KAZN: variants seen among roughly 807,000 people sequenced by gnomAD.
The protein encoded by KAZN is kazrin.
In KAZN, 40 loss-of-function variants were observed where a neutral mutation model predicts 87.4. The observed-to-expected ratio is 0.46, with a 90% confidence interval of 0.36 to 0.60. The LOEUF (loss-of-function observed/expected upper bound fraction) is 0.60. Among genes scored for constraint, KAZN ranks in the 20% least tolerant of loss-of-function variants. The pLI, the probability that KAZN is intolerant of heterozygous loss-of-function variation, is 0.00. For synonymous variants in KAZN, 466 were observed against 458.3 expected (o/e 1.02, Z -0.22); for missense variants, 898 against 1,073.9 (o/e 0.84, Z 2.29).
At chr1:14,863,349 T>C (rs2101029266) in intron 1 of KAZN, among the ~76,000 whole-genome samples, 1 of 152,282 alleles carries the variant, frequency 6.6e-6, no homozygotes. Flanking sequence ...CAGCAGACAC[T>C]CTGTCCCTCC....
chr1:14,203,136 G>A (rs554894363), intron 2 of KAZN, among the ~76,000 whole-genome samples: 53 of 151,916 alleles, frequency 3.5e-4, no homozygotes, highest in Non-Finnish European at 5.7e-4. Context: ...GAAGCCTATC[G>A]TGACGTATTT....
intron 2 of KAZN, among the ~76,000 whole-genome samples, chr1:14,272,156 C>T (rs1006342819): frequency 6.6e-6 from 1 of 152,204 alleles, no homozygotes; most frequent in Non-Finnish European, 1.5e-5. Context: ...AAATTACCCC[C>T]AAACTCACAC....
chr1:14,572,132 A>G (rs1257944145), intron 2 of KAZN, among the ~76,000 whole-genome samples: 1 of 152,130 alleles, frequency 6.6e-6, no homozygotes, highest in Non-Finnish European at 1.5e-5. Flanking sequence ...CATTTTCATC[A>G]TTTAATGGGT....
chr1:14,987,839 G>A (rs1202962195), intron 2 of KAZN, among the ~76,000 whole-genome samples: 1 of 152,184 alleles, frequency 6.6e-6, no homozygotes, highest in South Asian at 2.1e-4. Context: ...AGGGGTGTAG[G>A]GATACGGGGC....
At chr1:14,345,389 G>T (rs1658033344) in intron 2 of KAZN, among the ~76,000 whole-genome samples, 1 of 152,092 alleles carries the variant, frequency 6.6e-6, no homozygotes, top group Non-Finnish European at 1.5e-5. Flanking sequence ...ATTTCTGTTT[G>T]CTGGAAATGT....
intron 2 of KAZN, among the ~76,000 whole-genome samples, chr1:14,291,382 C>T (rs991980154): frequency 2.6e-5 from 4 of 152,228 alleles, no homozygotes; most frequent in Non-Finnish European, 2.9e-5. Flanking sequence ...CTACTCATGC[C>T]TCAGCATGGT....
At chr1:14,791,984 T>G (rs1365719491) in intron 1 of KAZN, among the ~76,000 whole-genome samples, 1 of 152,202 alleles carries the variant, frequency 6.6e-6, no homozygotes, top group Non-Finnish European at 1.5e-5. Context: ...GGACTTCAGT[T>G]GGCACCACTG....
At chr1:14,867,723 C>CA (rs1173487351) in intron 1 of KAZN, among the ~76,000 whole-genome samples, 1 of 53,112 alleles carries the variant, frequency 1.9e-5, no homozygotes, top group East Asian at 5.9e-4. Context: ...TCTTTGAAGA[C>CA]ACCCCCCCCC....
intron 2 of KAZN, among the ~76,000 whole-genome samples, chr1:14,994,549 C>T (rs1280113564): frequency 6.6e-6 from 1 of 152,234 alleles, no homozygotes; most frequent in Non-Finnish European, 1.5e-5. Context: ...GGAATAGTCA[C>T]CTTTGTACTT....
chr1:15,007,984 C>T (rs12028245), intron 2 of KAZN, among the ~76,000 whole-genome samples: 4 of 152,194 alleles, frequency 2.6e-5, no homozygotes, highest in African/African-American at 9.7e-5. Flanking sequence ...TGGTCAGCTG[C>T]GGAGTCTCTT....
intron 1 of KAZN, among the ~76,000 whole-genome samples, chr1:14,103,676 C>T (rs1644307863): frequency 6.6e-6 from 1 of 152,166 alleles, no homozygotes; most frequent in African/African-American, 2.4e-5. Context: ...CCTGATTCTC[C>T]TGTCTCCCTT....
At chr1:14,370,734 C>T (rs1356640316) in intron 2 of KAZN, among the ~76,000 whole-genome samples, 1 of 152,202 alleles carries the variant, frequency 6.6e-6, no homozygotes, top group Non-Finnish European at 1.5e-5. Flanking sequence ...CTTTGTCACC[C>T]AGACTGGAGT....
chr1:14,764,199 A>C (rs1644821808), intron 1 of KAZN, among the ~76,000 whole-genome samples: 1 of 152,098 alleles, frequency 6.6e-6, no homozygotes, highest in Admixed American at 6.5e-5. Flanking sequence ...CGGGGCACTG[A>C]GGGCTGGGAC....
In KAZN at chr1:14,599,075, G is replaced by A; in HGVS notation, c.78G>A (p.Leu26=). ...CGGCCAGCCAGGAGGTGACCAACCTGCGAGCCGAACTCACGGCCACCAACC... is the reference window on the plus strand; with the variant it reads ...CGGCCAGCCAGGAGGTGACCAACCTACGAGCCGAACTCACGGCCACCAACC... ...VQSASQEVTN[L]RAELTATNRR... is the part of the protein sequence containing the mutation. Residue 26 remains leucine (L), a synonymous_variant, in exon 1 of 15, where the codon CTG becomes CTA. Transcript: ENST00000376030. This position sits in a 1 kb window ranked among gnomAD's most constrained non-coding sequence, Gnocchi z 4.4. 3.8e-6 allele frequency: 6 copies of A among 1,561,426 alleles called. No homozygotes were observed. The highest frequency in any genetic ancestry group is 5.2e-6 in the Non-Finnish European group (6 of 1,158,530).
intron 2 of KAZN, among the ~76,000 whole-genome samples, chr1:15,026,677 G>T (rs532213082): frequency 6.6e-6 from 1 of 151,706 alleles, no homozygotes; most frequent in African/African-American, 2.4e-5. Context: ...GGATCCATGG[G>T]TTCCACATCG....
chr1:13,920,932 C>T (rs1409511821), intron 1 of KAZN, among the ~76,000 whole-genome samples: 12 of 152,140 alleles, frequency 7.9e-5, no homozygotes, highest in South Asian at 6.2e-4. Context: ...GATGCTCCTG[C>T]GCTGTCACTT....
At chr1:15,084,149 G>A (rs1336939339) in intron 8 of KAZN, among the ~76,000 whole-genome samples, 1 of 152,336 alleles carries the variant, frequency 6.6e-6, no homozygotes, top group South Asian at 2.1e-4. Context: ...GAAAGGCAAA[G>A]GAAATGGTAT....
At chr1:14,135,337 C>G (rs1322904149) in intron 1 of KAZN, among the ~76,000 whole-genome samples, 1 of 152,170 alleles carries the variant, frequency 6.6e-6, no homozygotes, top group Non-Finnish European at 1.5e-5. Context: ...GATTTAAAGT[C>G]AGCCGAATAG....
At chr1:14,454,684 G>A (rs536347277) in intron 2 of KAZN, among the ~76,000 whole-genome samples, 1 of 152,176 alleles carries the variant, frequency 6.6e-6, no homozygotes, top group Non-Finnish European at 1.5e-5. Context: ...CATTATTGAG[G>A]ATAGCAGTGG....
Sources: allele counts gnomAD v4.1 joint callset (sites outside exome capture counted in the v4.1 genomes callset), GRCh38; gene constraint gnomAD v4.1.1; non-coding constraint Gnocchi (gnomAD v3.1); transcripts MANE v1.5; gene names NCBI Gene and HGNC (gene_info 2026-07-23, HGNC 2026-07-21).